Variants in KCNK2 observed in about 807,000 individuals in gnomAD.
The protein encoded by KCNK2 is potassium two pore domain channel subfamily K member 2.
A neutral mutation model predicts 40.5 loss-of-function variants in KCNK2; 21 were observed. The ratio of observed to expected loss-of-function variants is 0.52; its 90% CI spans 0.37 to 0.75. KCNK2 has a LOEUF of 0.75. Among genes scored for constraint, KCNK2 ranks in the 30% least tolerant of loss-of-function variants. The pLI, the probability that KCNK2 is intolerant of heterozygous loss-of-function variation, is 0.00. For missense variants in KCNK2, 399 were observed against 531.6 expected, an observed-to-expected ratio of 0.75 and a Z score of 2.45; for synonymous variants, 191 against 202.2, an observed-to-expected ratio of 0.94 and a Z score of 0.47.
chr1:215,195,063 C>T lies in KCNK2; in HGVS notation c.934C>T (p.Arg312Ter). The T allele has an allele frequency of 5.0e-6, 8 of 1,607,220 alleles. No individual in the cohort carries two copies. Among genetic ancestry groups the T allele is most frequent in the Non-Finnish European group, 6.8e-6 (8 of 1,176,244 alleles). Residue 312 changes from arginine to a stop codon, truncating the protein, a stop_gained, in exon 6 of 7, where the codon CGA (arginine) becomes TGA (stop). Transcript: ENST00000444842. LOFTEE classifies it high-confidence loss of function. The stretch of plus-strand genomic sequence containing the variant: ...CCTGAGCATGATTGGAGATTGGCTC[C>T]GAGTGATATCTAAAAAGACAAAAGA... ...AVLSMIGDWL[R>*]VISKKTKEEV... is the part of the protein sequence containing the mutation.
intron 2 of KCNK2, among the ~76,000 whole-genome samples, chr1:215,116,385 AT>A (rs1660942376): frequency 6.6e-6 from 1 of 151,928 alleles, no homozygotes; most frequent in Admixed American, 6.6e-5. Context: ...TACTTTTATG[AT>A]TAAAAAAATC....
intron 3 of KCNK2, among the ~76,000 whole-genome samples, chr1:215,133,815 A>G (rs1209647214): frequency 6.6e-6 from 1 of 152,182 alleles, no homozygotes; most frequent in African/African-American, 2.4e-5. Context: ...CCAAATGGAA[A>G]GGAATTCCAT....
At chr1:215,078,481 C>T (rs1659032919), upstream of KCNK2, among the ~76,000 whole-genome samples, 6 of 152,182 alleles carry the variant, frequency 3.9e-5, no homozygotes, top group South Asian at 1.2e-3. Context: ...GCACCTCTTC[C>T]AGGGCAGCAG....
chr1:215,102,710 A>AT (rs11393544), intron 2 of KCNK2, among the ~76,000 whole-genome samples: 82,697 of 151,346 alleles, frequency 0.55, 25,302 homozygotes, highest in Non-Finnish European at 0.68. Flanking sequence ...CAGGTACACT[A>AT]TTTTTTTTAT....
chr1:215,130,507 A>C (rs1419276968), intron 3 of KCNK2, among the ~76,000 whole-genome samples: 1 of 152,200 alleles, frequency 6.6e-6, no homozygotes, highest in Non-Finnish European at 1.5e-5. Flanking sequence ...GCAGTTGGCC[A>C]GGCAGAAAGA....
intron 2 of KCNK2, among the ~76,000 whole-genome samples, chr1:215,100,874 TA>T (rs1660178248): frequency 6.6e-6 from 1 of 152,104 alleles, no homozygotes; most frequent in African/African-American, 2.4e-5. Context: ...AAGAAAAGGA[TA>T]ATTGATTTGC....
At chr1:215,121,221 A>T (rs1213750631) in intron 2 of KCNK2, among the ~76,000 whole-genome samples, 1 of 152,222 alleles carries the variant, frequency 6.6e-6, no homozygotes, top group African/African-American at 2.4e-5. Flanking sequence ...CAAGTTCAGT[A>T]CAGAATAGTT....
intron 1 of KCNK2, among the ~76,000 whole-genome samples, chr1:215,058,368 A>ATGGT (rs1658241344): frequency 6.6e-6 from 1 of 152,204 alleles, no homozygotes; most frequent in East Asian, 1.9e-4. Flanking sequence ...ACCATTAGTT[A>ATGGT]TGCAGATTGG....
chr1:215,210,852 C>A (rs1032576825), intron 6 of KCNK2, among the ~76,000 whole-genome samples: 1 of 25,178 alleles, frequency 4.0e-5, no homozygotes, highest in East Asian at 0.25. Context: ...ACTACCCCGA[C>A]TTATCTCTCT....
intron 1 of KCNK2, among the ~76,000 whole-genome samples, chr1:215,030,218 G>A (rs1657137750): frequency 6.6e-6 from 1 of 152,160 alleles, no homozygotes; most frequent in African/African-American, 2.4e-5. Flanking sequence ...TGAGGTGTCT[G>A]TTACGGTCTT....
intron 1 of KCNK2, among the ~76,000 whole-genome samples, chr1:215,059,196 G>T (rs1392717698): frequency 2.0e-5 from 3 of 151,154 alleles, no homozygotes; most frequent in Non-Finnish European, 4.4e-5. Flanking sequence ...CCTGTCCCTA[G>T]AATTTTAGCT....
At chr1:215,167,619 T>G (rs921069025) in intron 3 of KCNK2, among the ~76,000 whole-genome samples, 1 of 152,142 alleles carries the variant, frequency 6.6e-6, no homozygotes, top group African/African-American at 2.4e-5. Flanking sequence ...TAAAGAAGTT[T>G]AATAATTTTA....
chr1:215,166,754 G>A (rs76364755), intron 3 of KCNK2, among the ~76,000 whole-genome samples: 2,024 of 152,028 alleles, frequency 0.013, 55 homozygotes, highest in African/African-American at 0.046. Context: ...ACTAAGGCTA[G>A]AAAATAAATT....
rs1049933368 is a variant in KCNK2, at chr1:215,095,739, T to G, written c.357+9061T>G. Among the ~76,000 whole-genome samples the G allele has an allele frequency of 2.0e-5, 3 of 152,010 alleles. No individual in the cohort carries two copies. The South Asian group carries it at 6.2e-4, about 31-fold the overall frequency. On this transcript the variant is annotated intron_variant, in intron 2 of 6. Coordinates refer to ENST00000444842, the MANE Select transcript of KCNK2 (RefSeq NM_001017425.3). ...TGCCTCTAGGACATGCTTCCTTAAT[T>G]TTAAATTGCTGCTGGATTGTAAACC...
intron 2 of KCNK2, among the ~76,000 whole-genome samples, chr1:215,099,103 T>G (rs1258682105): frequency 6.6e-6 from 1 of 151,934 alleles, no homozygotes; most frequent in Admixed American, 6.6e-5. Flanking sequence ...CACAGATTAT[T>G]TTATCGCTCA....
At chr1:215,110,894 T>C (rs1015025523) in intron 2 of KCNK2, among the ~76,000 whole-genome samples, 1 of 152,126 alleles carries the variant, frequency 6.6e-6, no homozygotes. Context: ...GGTTCAGTCT[T>C]GGTGTTGTAG....
chr1:215,182,891 G>A (rs1664284210), intron 5 of KCNK2, among the ~76,000 whole-genome samples: 1 of 152,132 alleles, frequency 6.6e-6, no homozygotes, highest in African/African-American at 2.4e-5. Flanking sequence ...CAGGGCTTGG[G>A]AGAAACAAGC....
chr1:215,007,185 G>GTGTATATATATATATA (rs1398746959), intron 1 of KCNK2, among the ~76,000 whole-genome samples: 5 of 31,028 alleles, frequency 1.6e-4, no homozygotes, highest in African/African-American at 6.1e-4. Context: ...ATGTGTGTGG[G>GTGTATATATATATATA]TATATATATA....
At chr1:215,075,282 C>G (rs1028892951) in intron 1 of KCNK2, among the ~76,000 whole-genome samples, 1 of 152,054 alleles carries the variant, frequency 6.6e-6, no homozygotes, top group Non-Finnish European at 1.5e-5. Flanking sequence ...TGTTGAATGT[C>G]ATATATTTTA....
Sources: allele counts gnomAD v4.1 joint callset (sites outside exome capture counted in the v4.1 genomes callset), GRCh38; gene constraint gnomAD v4.1.1; transcripts MANE v1.5; gene names NCBI Gene and HGNC (gene_info 2026-07-23, HGNC 2026-07-21).